The following CIB1 variants were observed in gnomAD, a reference collection of about 807,000 sequenced individuals.
CIB1 encodes calcium and integrin-binding protein 1.
Under a neutral mutation model 25.0 loss-of-function variants are expected in CIB1, and 19 were observed. The ratio of observed to expected loss-of-function variants is 0.76; its 90% confidence interval spans 0.53 to 1.12. The LOEUF (loss-of-function observed/expected upper bound fraction) is 1.12, where lower values mean the gene tolerates loss of function less well. Ranked by LOEUF, CIB1 falls within the 50% of genes most tolerant of loss-of-function variation. The probability of loss-of-function intolerance (pLI) is 0.00; values close to 1 mark genes in which losing one functional copy is unlikely to be tolerated. For missense variants in CIB1, 236 were observed against 242.6 expected (o/e 0.97, Z 0.18); for synonymous variants, 104 against 98.5 (o/e 1.06, Z -0.33).
chr15:90,233,970 C>T (rs1315738916), upstream of CIB1: 6 of 1,384,256 alleles, frequency 4.3e-6, no homozygotes, highest in African/African-American at 1.5e-5. Context: ...CGTCACTGCC[C>T]GGTCCCCGCG....
At chr15:90,232,730 A>G (rs1962528582) in intron 2 of CIB1, among the ~76,000 whole-genome samples, 1 of 151,970 alleles carries the variant, frequency 6.6e-6, no homozygotes, top group Non-Finnish European at 1.5e-5. Context: ...AACATGGTGA[A>G]CCCCTTCTCT....
upstream of CIB1, among the ~76,000 whole-genome samples, chr15:90,237,344 C>A (rs1434589164): frequency 4.9e-5 from 7 of 142,076 alleles, no homozygotes; most frequent in Admixed American, 1.5e-4. Context: ...TGCAGTGGCA[C>A]CACCTCAGTT....
At chr15:90,260,140 T>C in the CIB1 span, among the ~76,000 whole-genome samples, 2 of 152,192 alleles carry the variant, frequency 1.3e-5, no homozygotes, top group Non-Finnish European at 2.9e-5. Flanking sequence ...GAAAAATGGT[T>C]GAACAGTACT....
At chr15:90,260,974 G>A in the CIB1 span, among the ~76,000 whole-genome samples, 12 of 152,054 alleles carry the variant, frequency 7.9e-5, no homozygotes, top group Admixed American at 2.0e-4. Context: ...TCAGATTCAT[G>A]CTCATAATCA....
chr15:90,265,243 T>C, the CIB1 span: 1 of 1,308,932 alleles, frequency 7.6e-7, no homozygotes, highest in Non-Finnish European at 9.7e-7. Flanking sequence ...TATCGCTAGG[T>C]GATGGGTCTG....
chr15:90,233,550 TC>T lies in CIB1; in HGVS notation c.86+118del, dbSNP rs1298166573. ...GCAGCCCGGGCTAGGTCTCCCGGCC[TC>T]CAGCTCCCGCTCCTCTGCAGACCTC... On this transcript the variant is annotated intron_variant, in intron 2 of 6. Coordinates refer to ENST00000328649, the MANE Select transcript of CIB1 (RefSeq NM_006384.4). 3.3e-4 allele frequency: 432 copies of T among 1,316,526 alleles called. 1 individual carries two copies. The highest frequency in any genetic ancestry group is 4.0e-4 in the Non-Finnish European group (378 of 936,300). 81.6% of individuals were successfully genotyped at this position (1,316,526 alleles called of 1,614,324 possible). A position where few individuals can be genotyped will look rare whatever the true frequency, so the allele number is the denominator to read the frequency against.
At chr15:90,235,462 G>T (rs763563423), upstream of CIB1, among the ~76,000 whole-genome samples, 15 of 152,116 alleles carry the variant, frequency 9.9e-5, no homozygotes, top group African/African-American at 3.6e-4. Context: ...TGCAGTGAGC[G>T]GAGATTGTGC....
chr15:90,233,529 C>A (rs111423541), intron 2 of CIB1, 140 bp downstream of exon 2: 1 of 1,117,538 alleles, frequency 8.9e-7, no homozygotes, highest in Non-Finnish European at 1.3e-6. Context: ...GAGGGCGCAG[C>A]CCGGGCTAGG....
At position 90,232,336 on chromosome 15, in the gene CIB1, G is replaced by C. The variant is rs774128972; in HGVS notation, c.87-9C>G. 1.3e-6 allele frequency: 2 copies of C among 1,598,164 alleles called. No homozygotes were observed. The highest frequency in any genetic ancestry group is 2.2e-5 in the South Asian group (2 of 89,558). ...AAAACCGCCTGTGGGCTCTGGTAGA[G>C]AGAGGGGAACTGTCGGTGTTCTCAG... On this transcript the variant is annotated splice_polypyrimidine_tract_variant and intron_variant, in intron 2 of 6. Transcript: ENST00000328649.
At chr15:90,234,135 G>A, upstream of CIB1, 1 of 287,296 alleles carries the variant, frequency 3.5e-6, no homozygotes, top group East Asian at 5.3e-5. Flanking sequence ...CCGGGGCGGA[G>A]CCCGGGACTC....
chr15:90,260,093 G>A, the CIB1 span, among the ~76,000 whole-genome samples: 2 of 152,216 alleles, frequency 1.3e-5, no homozygotes, highest in Non-Finnish European at 2.9e-5. Context: ...AGACTGGACT[G>A]TGTACCTGAG....
At chr15:90,258,322 A>T in the CIB1 span, 1 of 1,480,276 alleles carries the variant, frequency 6.8e-7, no homozygotes, top group South Asian at 1.1e-5. Context: ...GCCTCCTTGA[A>T]TAGGACACCT....
chr15:90,262,954 T>G, the CIB1 span: 1 of 1,534,954 alleles, frequency 6.5e-7, no homozygotes, highest in Non-Finnish European at 8.7e-7. Flanking sequence ...TTATCTCTCA[T>G]GTACCTTGTA....
chr15:90,250,507 C>G, the CIB1 span: 7 of 1,270,234 alleles, frequency 5.5e-6, no homozygotes, highest in Admixed American at 2.5e-5. Flanking sequence ...GGGGCAGCAA[C>G]TTTCCCTTAT....
chr15:90,239,180 T>C, the CIB1 span, among the ~76,000 whole-genome samples: 1 of 152,188 alleles, frequency 6.6e-6, no homozygotes, highest in Non-Finnish European at 1.5e-5. Context: ...ACATAAATTG[T>C]GATTTTTCCT....
At chr15:90,231,257 GCT>G in intron 4 of CIB1, 44 bp from the exon 5 acceptor site, 1 of 1,608,858 alleles carries the variant, frequency 6.2e-7, no homozygotes. Flanking sequence ...GTTGGGAGGG[GCT>G]CTGAGGTTCC....
chr15:90,239,183 T>C, the CIB1 span, among the ~76,000 whole-genome samples: 44 of 152,292 alleles, frequency 2.9e-4, no homozygotes, highest in African/African-American at 1.0e-3. Context: ...TAAATTGTGA[T>C]TTTTCCTTAG....
Position 90,230,948 on chromosome 15 carries a change from A to C in CIB1, c.540T>G (p.Ser180=). The change falls in exon 6 of 7, where the codon TCT becomes TCG. Residue 180 remains serine, a synonymous_variant. Coordinates refer to ENST00000328649, the MANE Select transcript of CIB1 (RefSeq NM_006384.4). ...LSEFQHVISR[S]PDFASSFKIV... is the part of the protein sequence containing the mutation. ...CACTGTCATACCTGGCAAAGTCTGG[A>C]GAACGGGAGATGACGTGCTGGAACT... The C allele has an allele frequency of 6.2e-7, 1 of 1,614,062 alleles. No homozygotes were observed. Among genetic ancestry groups the C allele is most frequent in the Non-Finnish European group, 8.5e-7 (1 of 1,179,968 alleles).
the CIB1 span, among the ~76,000 whole-genome samples, chr15:90,250,096 T>G: frequency 6.6e-6 from 1 of 151,500 alleles, no homozygotes; most frequent in South Asian, 2.1e-4. Flanking sequence ...TAGCTGGGAT[T>G]ACAGGCAACG....
Sources: gnomAD v4.1 joint callset for allele counts (sites outside exome capture counted in the v4.1 genomes callset) on GRCh38, gnomAD v4.1.1 for gene constraint, MANE v1.5 for transcripts, NCBI Gene and HGNC (gene_info 2026-07-23, HGNC 2026-07-21) for gene names.